CACNA1I: variants seen among roughly 807,000 people sequenced by gnomAD.
CACNA1I encodes the protein calcium voltage-gated channel subunit alpha1 I, also known as voltage-dependent T-type calcium channel subunit alpha-1I.
In CACNA1I, 74 loss-of-function variants were observed where a neutral mutation model predicts 201.6. That is an observed-to-expected ratio of 0.37 (90% CI 0.30 to 0.45). CACNA1I has a LOEUF of 0.45. CACNA1I is among the 20% of genes least tolerant of loss of function. The pLI, the probability that CACNA1I is intolerant of heterozygous loss-of-function variation, is 1.00. For missense variants in CACNA1I, 2,346 were observed against 3,138.1 expected, an observed-to-expected ratio of 0.75 and a Z score of 6.03; for synonymous variants, 1,431 against 1,345.2, an observed-to-expected ratio of 1.06 and a Z score of -1.40.
intron 3 of CACNA1I, among the ~76,000 whole-genome samples, chr22:39,611,441 C>T (rs1455947084): frequency 6.6e-6 from 1 of 152,108 alleles, no homozygotes; most frequent in Non-Finnish European, 1.5e-5. Flanking sequence ...GTTGATTTGC[C>T]TCACTAGCCC....
Position 39,686,221 on chromosome 22 carries a change from G to C in CACNA1I, c.6488G>C (p.Gly2163Ala), listed in dbSNP as rs1409099643. 11 of 1,245,676 alleles carry C rather than the reference G, an allele frequency of 8.8e-6. No individual in the cohort carries two copies. Among genetic ancestry groups the C allele is most frequent in the Admixed American group, 8.2e-5 (2 of 24,366 alleles). The allele number at this position is 1,245,676 out of a possible 1,614,324, so 77.2% of individuals were successfully genotyped here. A position where few individuals can be genotyped will look rare whatever the true frequency, so the allele number is the denominator to read the frequency against. The change falls in exon 37 of 37, where the codon GGC becomes GCC. Residue 2163 changes from glycine (G) to alanine (A), a missense_variant. Gly to Ala is a moderately conservative substitution (Grantham distance 60). Coordinates refer to ENST00000402142, the MANE Select transcript of CACNA1I (RefSeq NM_021096.4). ...AGCACCAGCAGCCTGGCCGCCCCCG[G>C]CCGCCCCCACGCCGCCGCCCTGGCC... The part of the protein sequence containing the change: ...FSSTSSLAAP[G>A]RPHAAALAHG...
intron 10 of CACNA1I, among the ~76,000 whole-genome samples, chr22:39,655,926 C>A (rs577313138): frequency 6.6e-6 from 1 of 152,168 alleles, no homozygotes; most frequent in Admixed American, 6.5e-5. Context: ...GTGTGCGTGG[C>A]GCGCGCGGCT....
At position 39,624,634 on chromosome 22, in the gene CACNA1I, C is replaced by A. The variant is rs1022753917; in HGVS notation, c.580+5227C>A. On this transcript the variant is annotated intron_variant, in intron 4 of 36. Coordinates refer to ENST00000402142, the MANE Select transcript of CACNA1I (RefSeq NM_021096.4). Reference sequence around the variant, plus strand: ...CTCACAGGCGATTCTGCGGGAGCCGCAGGCTGTTGGAGCACGTGGGGCTTA... The same window carrying A: ...CTCACAGGCGATTCTGCGGGAGCCGAAGGCTGTTGGAGCACGTGGGGCTTA... Among the ~76,000 whole-genome samples, 4 of 152,318 alleles carry A rather than the reference C, an allele frequency of 2.6e-5. No homozygotes were observed. In the South Asian group the frequency reaches 8.3e-4, roughly 32 times the overall value.
At chr22:39,625,856 G>C (rs111581836) in intron 4 of CACNA1I, among the ~76,000 whole-genome samples, 1 of 143,636 alleles carries the variant, frequency 7.0e-6, no homozygotes, top group Admixed American at 7.1e-5. Flanking sequence ...CCCCCAGCCT[G>C]TACATCTCTC....
At position 39,659,931 on chromosome 22, in the gene CACNA1I, G is replaced by A; in HGVS notation, c.2604+79G>A. 1 of 1,547,586 alleles carries A rather than the reference G, an allele frequency of 6.5e-7. No individual in the cohort carries two copies. The highest frequency in any genetic ancestry group is 8.9e-7 in the Non-Finnish European group (1 of 1,124,850). On this transcript the variant is annotated intron_variant, in intron 14 of 36. Transcript: ENST00000402142. The surrounding 1 kb of genome is among the most constrained non-coding windows in gnomAD (Gnocchi z 4.3). ...GCGAGGGAGAGGTGGCCTGGATGGG[G>A]GAGGGCTGCAATTCAAACTTCTAGC...
At chr22:39,663,900 G>T in intron 19 of CACNA1I, 59 bp downstream of exon 19, 2 of 1,604,666 alleles carry the variant, frequency 1.2e-6, no homozygotes, top group East Asian at 2.2e-5. Flanking sequence ...GCTCGCCAGG[G>T]CTGAGCAGGG....
chr22:39,677,470 G>A lies in CACNA1I; in HGVS notation c.4933+51G>A, dbSNP rs1482416752. 7.7e-7 allele frequency: 1 copy of A among 1,295,596 alleles called. No homozygotes were observed. The highest frequency in any genetic ancestry group is 1.1e-6 in the Non-Finnish European group (1 of 950,930). The allele number at this position is 1,295,596 out of a possible 1,614,324, so 80.3% of individuals were successfully genotyped here. The stretch of plus-strand genomic sequence containing the variant: ...TGGTGGGGGTGCAGCAGGGCTGCAG[G>A]AGGAACTGGGGGGGCGGGGGAGGCC... On this transcript the variant is annotated intron_variant, in intron 30 of 36. Coordinates refer to ENST00000402142, the MANE Select transcript of CACNA1I (RefSeq NM_021096.4). This position sits in a 1 kb window ranked among gnomAD's most constrained non-coding sequence, Gnocchi z 4.8.
chr22:39,602,276 T>C (rs1384846654), intron 3 of CACNA1I, among the ~76,000 whole-genome samples: 1 of 151,304 alleles, frequency 6.6e-6, no homozygotes, highest in Non-Finnish European at 1.5e-5. Flanking sequence ...GGTCTCACTA[T>C]GTTGCCCAGG....
At chr22:39,642,991 G>A in intron 7 of CACNA1I, 102 bp downstream of exon 7, 1 of 717,220 alleles carries the variant, frequency 1.4e-6, no homozygotes, top group Non-Finnish European at 2.4e-6. Flanking sequence ...GCCCCTCAGA[G>A]CCAGGACAGC....
chr22:39,679,822 A>ACTC lies in CACNA1I; in HGVS notation c.5499_5501dup (p.Ser1834dup). 6.2e-7 allele frequency: 1 copy of ACTC among 1,611,806 alleles called. No homozygotes were observed. The highest frequency in any genetic ancestry group is 8.5e-7 in the Non-Finnish European group (1 of 1,179,266). ...CTGTCGGGCTCCATCTTCCACCACT[A>ACTC]CTCCTCGCCTGCCGGCTGCAAGAAG... On this transcript the variant is annotated inframe_insertion, in exon 33 of 37. Coordinates refer to ENST00000402142, the MANE Select transcript of CACNA1I (RefSeq NM_021096.4).
At chr22:39,650,845 AG>A (rs1402140443) in intron 10 of CACNA1I, among the ~76,000 whole-genome samples, 1 of 152,044 alleles carries the variant, frequency 6.6e-6, no homozygotes, top group East Asian at 1.9e-4. Flanking sequence ...GACAGTACAT[AG>A]GGGAGGGGAC....
At chr22:39,651,732 CCAAA>C (rs1245220967) in intron 10 of CACNA1I, among the ~76,000 whole-genome samples, 1 of 152,230 alleles carries the variant, frequency 6.6e-6, no homozygotes, top group African/African-American at 2.4e-5. Context: ...GGGCCAATTT[CCAAA>C]CACTCAGGAA....
At chr22:39,647,133 G>A (rs1233457775) in intron 8 of CACNA1I, among the ~76,000 whole-genome samples, 1 of 150,988 alleles carries the variant, frequency 6.6e-6, no homozygotes, top group Non-Finnish European at 1.5e-5. Context: ...CTCGATCCCT[G>A]TGTATGTGTG....
Position 39,596,469 on chromosome 22 carries a change from A to AGAGATGGGGGGGCAGGGCGGAGG in CACNA1I, c.237-1672_237-1671insGGCAGGGCGGAGGGAGATGGGGG. The stretch of plus-strand genomic sequence containing the variant: ...AGGGAGATCGGGGGGCAGGGCGGAG[A>AGAGATGGGGGGGCAGGGCGGAGG]GAGATGGGGGAGCAGGATGGAGAGA... On this transcript the variant is annotated intron_variant, in intron 1 of 36. Transcript: ENST00000402142. Among the ~76,000 whole-genome samples, 7 of 22,534 alleles carry AGAGATGGGGGGGCAGGGCGGAGG rather than the reference A, an allele frequency of 3.1e-4. 1 individual carries two copies. The South Asian group carries it at 0.016, about 50-fold the overall frequency. The allele number at this position is 22,534 out of a possible 152,430, so 14.8% of individuals were successfully genotyped here. A position where few individuals can be genotyped will look rare whatever the true frequency, so the allele number is the denominator to read the frequency against.
At chr22:39,658,122 G>T in intron 10 of CACNA1I, 30 bp from the exon 11 acceptor site, 1 of 1,611,470 alleles carries the variant, frequency 6.2e-7, no homozygotes, top group Non-Finnish European at 8.5e-7. Context: ...GCCTGACCGG[G>T]TCTCCATTCC....
chr22:39,590,693 A>G (rs1932810652), intron 1 of CACNA1I, among the ~76,000 whole-genome samples: 1 of 152,188 alleles, frequency 6.6e-6, no homozygotes, highest in African/African-American at 2.4e-5. Flanking sequence ...CCTGCCACAT[A>G]CCATGGGAGT....
intron 4 of CACNA1I, among the ~76,000 whole-genome samples, chr22:39,624,341 C>T (rs570698169): frequency 1.6e-4 from 25 of 152,124 alleles, no homozygotes; most frequent in South Asian, 4.1e-4. Flanking sequence ...CCTGCCCTGG[C>T]CTCTGGGAAG....
intron 3 of CACNA1I, among the ~76,000 whole-genome samples, chr22:39,617,302 C>T (rs1018704513): frequency 6.6e-6 from 1 of 152,164 alleles, no homozygotes; most frequent in African/African-American, 2.4e-5. Flanking sequence ...GAAGGCAGCA[C>T]GTGGGTGGGT....
Position 39,680,980 on chromosome 22 carries a change from G to A in CACNA1I, c.5592G>A (p.Ser1864=), listed in dbSNP as rs369826847. Reference sequence around the variant, plus strand: ...TCTCCCTGAACTCAGACAGGTCCTCGTCCATCCTGCTGGGTGACGACCTGA... The same window carrying A: ...TCTCCCTGAACTCAGACAGGTCCTCATCCATCCTGCTGGGTGACGACCTGA... ...EAFSLNSDRS[S]SILLGDDLSL... is the part of the protein sequence containing the mutation. The change falls in exon 34 of 37, where the codon TCG becomes TCA. Residue 1864 remains serine, a synonymous_variant. Coordinates refer to ENST00000402142, the MANE Select transcript of CACNA1I (RefSeq NM_021096.4). 8.1e-6 allele frequency: 13 copies of A among 1,611,734 alleles called. No homozygotes were observed. Among genetic ancestry groups the A allele is most frequent in the African/African-American group, 6.7e-5 (5 of 74,910 alleles).
Sources: gnomAD v4.1 joint callset for allele counts (sites outside exome capture counted in the v4.1 genomes callset) on GRCh38, gnomAD v4.1.1 for gene constraint, Gnocchi (gnomAD v3.1) non-coding constraint, MANE v1.5 for transcripts, NCBI Gene and HGNC (gene_info 2026-07-23, HGNC 2026-07-21) for gene names.